The following CIAO3 variants were observed in gnomAD, a reference collection of about 807,000 sequenced individuals.
The protein encoded by CIAO3 is cytosolic iron-sulfur assembly component 3.
A neutral mutation model predicts 51.5 loss-of-function variants in CIAO3; 45 were observed. The ratio of observed to expected loss-of-function variants is 0.87; its 90% CI spans 0.69 to 1.12. The LOEUF is 1.12. Among genes scored for constraint, CIAO3 ranks in the 50% most tolerant of loss-of-function variants. The pLI is 0.00. For missense variants in CIAO3, 668 were observed against 632.5 expected, an observed-to-expected ratio of 1.06 and a Z score of -0.60; for synonymous variants, 314 against 269.3, an observed-to-expected ratio of 1.17 and a Z score of -1.63.
At chr16:736,152 G>A (rs2041334772) in intron 4 of CIAO3, 114 bp downstream of exon 4, 10 of 1,338,620 alleles carry the variant, frequency 7.5e-6, no homozygotes, top group Admixed American at 2.0e-5. Context: ...TTTCTGTAGC[G>A]CTGAAGTTCA....
chr16:740,790 G>T (rs775792975), intron 1 of CIAO3, 130 bp downstream of exon 1: 17 of 951,384 alleles, frequency 1.8e-5, no homozygotes, highest in African/African-American at 3.4e-5. Flanking sequence ...TAGAGTCCCT[G>T]ACGGCCCAGA....
Position 729,966 on chromosome 16 carries a change from C to A in CIAO3, c.*451G>T, listed in dbSNP as rs1172940256. 4 of 341,740 alleles carry A rather than the reference C, an allele frequency of 1.2e-5. No homozygotes were observed. 21.2% of individuals were successfully genotyped at this position (341,740 alleles called of 1,614,324 possible). ...TCCACACGCAGGGTTGTGGCGGGAC[C>A]ACCCCTGCAGGTCCAGCTCTGTCTC... On this transcript the variant is annotated 3_prime_UTR_variant, in exon 11 of 11. Transcript: ENST00000251588.
chr16:731,435 C>G, intron 9 of CIAO3, 130 bp downstream of exon 9: 2 of 1,300,972 alleles, frequency 1.5e-6, no homozygotes, highest in East Asian at 5.5e-5. Context: ...CCCCAGGGTC[C>G]CCTCCAAACC....
chr16:733,775 C>A (rs2151601567), intron 6 of CIAO3: 2 of 384,914 alleles, frequency 5.2e-6, no homozygotes, highest in East Asian at 1.2e-4. Flanking sequence ...GGGTGAAAAT[C>A]CGCGTGCAGT....
chr16:731,045 G>A, intron 9 of CIAO3, 45 bp from the exon 10 acceptor site: 4 of 1,604,130 alleles, frequency 2.5e-6, no homozygotes, highest in Non-Finnish European at 3.4e-6. Flanking sequence ...CACCCACCAG[G>A]CTCCTGCCTG....
intron 1 of CIAO3, chr16:740,611 T>C: frequency 2.1e-6 from 1 of 477,428 alleles, no homozygotes. Context: ...TGCTGCCTCC[T>C]CTGGGTTGGG....
In CIAO3 at chr16:737,644, C is replaced by T; in HGVS notation, c.163-315G>A. 5.9e-6 allele frequency: 8 copies of T among 1,350,146 alleles called. No individual in the cohort carries two copies. The highest frequency in any genetic ancestry group is 7.8e-6 in the Non-Finnish European group (8 of 1,029,324). 83.6% of individuals were successfully genotyped at this position (1,350,146 alleles called of 1,614,324 possible). ...CATGGGGCCCTGGACGGGGTGCTGG[C>T]CCCGGTGCACACTCACAGGGCTGTA... On this transcript the variant is annotated intron_variant, in intron 2 of 10. Transcript: ENST00000251588. This position sits in a 1 kb window ranked among gnomAD's most constrained non-coding sequence, Gnocchi z 5.3.
intron 9 of CIAO3, 128 bp from the exon 10 acceptor site, chr16:731,128 G>A: frequency 5.8e-6 from 7 of 1,211,520 alleles, no homozygotes; most frequent in South Asian, 1.5e-5. Context: ...TCTCTCCTGG[G>A]CAGAGGGAAG....
At chr16:732,764 G>A in intron 7 of CIAO3, 1 of 349,460 alleles carries the variant, frequency 2.9e-6, no homozygotes, top group East Asian at 7.4e-5. Flanking sequence ...AGCCTCCCGA[G>A]TAGCTGGGAT....
Position 737,981 on chromosome 16 carries a change from C to T in CIAO3, c.163-652G>A, listed in dbSNP as rs1405769734. On this transcript the variant is annotated intron_variant, in intron 2 of 10. Transcript: ENST00000251588. The surrounding 1 kb of genome is among the most constrained non-coding windows in gnomAD (Gnocchi z 5.3). ...CAGGGCCAGGGGTGCTGCAGTGGCC[C>T]GGAATACAGCCAGAGGAGTAAGGCG... is the stretch of plus-strand genomic sequence containing the variant. The T allele has an allele frequency of 1.9e-5, 22 of 1,155,664 alleles. No homozygotes were observed. The highest frequency in any genetic ancestry group is 6.5e-5 in the African/African-American group (4 of 61,548). The allele number at this position is 1,155,664 out of a possible 1,614,324, so 71.6% of individuals were successfully genotyped here.
intron 2 of CIAO3, chr16:739,401 C>T: frequency 1.8e-6 from 1 of 564,510 alleles, no homozygotes; most frequent in Non-Finnish European, 3.2e-6. Flanking sequence ...CAGGATCCAC[C>T]ATCTCTGCAA....
At chr16:733,795 G>A (rs1160772262) in intron 6 of CIAO3, 4 of 375,830 alleles carry the variant, frequency 1.1e-5, no homozygotes, top group African/African-American at 8.3e-5. Flanking sequence ...TCAGGCAAGA[G>A]GTGCCGCAGG....
intron 7 of CIAO3, 56 bp from the exon 8 acceptor site, chr16:732,429 A>T (rs1397511011): frequency 6.3e-7 from 1 of 1,594,896 alleles, no homozygotes; most frequent in South Asian, 1.1e-5. Context: ...CAACAAAGTC[A>T]GAGAACATCC....
chr16:731,845 C>T, intron 8 of CIAO3, 143 bp from the exon 9 acceptor site: 1 of 1,127,872 alleles, frequency 8.9e-7, no homozygotes, highest in Non-Finnish European at 1.2e-6. Flanking sequence ...TCCTGTGTCA[C>T]CAGCCATCAC....
At chr16:731,221 A>T in intron 9 of CIAO3, 1 of 654,918 alleles carries the variant, frequency 1.5e-6, no homozygotes, top group Non-Finnish European at 2.6e-6. Flanking sequence ...GCTGTCTGTG[A>T]AACAGGCCTC....
intron 7 of CIAO3, chr16:732,981 C>T (rs905726502): frequency 1.1e-5 from 4 of 365,038 alleles, no homozygotes; most frequent in African/African-American, 2.1e-5. Context: ...TGGGGCTGCT[C>T]GACTCAGGAA....
In CIAO3 at chr16:730,186, TCTG is replaced by T. The variant is rs2041257292; in HGVS notation, c.*228_*230del. Reference sequence around the variant, plus strand: ...CAGGCTCTGGGACCTCAGGGAACCTTCTGCTGCCTGGGCCACCCCACCCCACCT... The same window carrying T: ...CAGGCTCTGGGACCTCAGGGAACCTTCTGCCTGGGCCACCCCACCCCACCT... On this transcript the variant is annotated 3_prime_UTR_variant, in exon 11 of 11. Transcript: ENST00000251588. 1 of 588,360 alleles carries T rather than the reference TCTG, an allele frequency of 1.7e-6. No individual in the cohort carries two copies. The highest frequency in any genetic ancestry group is 1.9e-5 in the African/African-American group (1 of 53,750). The allele number at this position is 588,360 out of a possible 1,614,324, so 36.4% of individuals were successfully genotyped here.
chr16:737,966 G>A lies in CIAO3; in HGVS notation c.163-637C>T. On this transcript the variant is annotated intron_variant, in intron 2 of 10. Coordinates refer to ENST00000251588, the MANE Select transcript of CIAO3 (RefSeq NM_022493.3). The surrounding 1 kb of genome is among the most constrained non-coding windows in gnomAD (Gnocchi z 5.3). ...CAGGAATGGTTTGAGCAGGGCCAGG[G>A]GTGCTGCAGTGGCCCGGAATACAGC... 8.5e-7 allele frequency: 1 copy of A among 1,169,862 alleles called. No homozygotes were observed. The highest frequency in any genetic ancestry group is 1.7e-5 in the South Asian group (1 of 59,792). The allele number at this position is 1,169,862 out of a possible 1,614,324, so 72.5% of individuals were successfully genotyped here. A position where few individuals can be genotyped will look rare whatever the true frequency, so the allele number is the denominator to read the frequency against.
rs1019341452 is a variant in CIAO3, at chr16:737,179, T to G, written c.306+7A>C. 9 of 1,613,554 alleles carry G rather than the reference T, an allele frequency of 5.6e-6. No individual in the cohort carries two copies. In the African/African-American group the frequency reaches 1.1e-4, roughly 19 times the overall value. ...AAAGCAGAGTCACCAGGCCGACCAC[T>G]GCTTACCTTGTTAGCATCTAGAACC... On this transcript the variant is annotated splice_region_variant and intron_variant, in intron 3 of 10. Transcript: ENST00000251588. This position sits in a 1 kb window ranked among gnomAD's most constrained non-coding sequence, Gnocchi z 5.3.
Sources: allele counts gnomAD v4.1 joint callset, GRCh38; gene constraint gnomAD v4.1.1; non-coding constraint Gnocchi (gnomAD v3.1); transcripts MANE v1.5; gene names NCBI Gene and HGNC (gene_info 2026-07-23, HGNC 2026-07-21).